Variants in ZFR2 observed in about 807,000 individuals in gnomAD.
ZFR2 encodes the protein zinc finger RNA-binding protein 2.
In ZFR2, 104 loss-of-function variants were observed where a neutral mutation model predicts 105.7. The observed-to-expected ratio is 0.98, with a 90% CI of 0.84 to 1.16. The LOEUF is 1.16. ZFR2 is among the 50% of genes most tolerant of loss of function. The probability of loss-of-function intolerance (pLI) is 0.00; values close to 1 mark genes in which losing one functional copy is unlikely to be tolerated. For missense variants in ZFR2, 1,425 were observed against 1,355.5 expected (o/e 1.05, Z -0.80); for synonymous variants, 634 against 597.7 (o/e 1.06, Z -0.89).
chr19:3,866,732 T>C (rs1035137320), intron 1 of ZFR2, among the ~76,000 whole-genome samples: 5 of 152,112 alleles, frequency 3.3e-5, no homozygotes, highest in Admixed American at 1.3e-4. Flanking sequence ...GTGGAGTGTG[T>C]CCAGAAGTTT....
chr19:3,845,238 T>C (rs1408898106), intron 1 of ZFR2, among the ~76,000 whole-genome samples: 1 of 152,178 alleles, frequency 6.6e-6, no homozygotes, highest in Non-Finnish European at 1.5e-5. Context: ...AACTTAATTC[T>C]CTCTTCAAAG....
chr19:3,825,119 C>T, intron 7 of ZFR2, 111 bp downstream of exon 7: 2 of 1,293,292 alleles, frequency 1.5e-6, no homozygotes, highest in Non-Finnish European at 2.0e-6. Context: ...CCCTCACCAC[C>T]CCCCGGGAAG....
intron 1 of ZFR2, chr19:3,852,700 A>G (rs2038254279): frequency 7.6e-6 from 5 of 658,554 alleles, no homozygotes; most frequent in Non-Finnish European, 1.4e-5. Context: ...AATCTGCCAC[A>G]TTGTGGTTTC....
chr19:3,860,591 G>A (rs950435427), intron 1 of ZFR2, among the ~76,000 whole-genome samples: 1 of 152,186 alleles, frequency 6.6e-6, no homozygotes, highest in Non-Finnish European at 1.5e-5. Flanking sequence ...ATGGTCCCAC[G>A]TGGAGCTGGC....
At chr19:3,855,548 TC>T in intron 1 of ZFR2, 1 of 879,592 alleles carries the variant, frequency 1.1e-6, no homozygotes, top group Non-Finnish European at 1.5e-6. Flanking sequence ...AGTCCCGTCC[TC>T]CAGGAGGGTG....
chr19:3,863,019 C>T (rs62133047), intron 1 of ZFR2, among the ~76,000 whole-genome samples: 1 of 152,112 alleles, frequency 6.6e-6, no homozygotes, highest in South Asian at 2.1e-4. Flanking sequence ...CAGGTATGCG[C>T]CCTGGCCCCC....
At chr19:3,806,907 G>T (rs1483526821) in intron 18 of ZFR2, among the ~76,000 whole-genome samples, 1 of 152,244 alleles carries the variant, frequency 6.6e-6, no homozygotes, top group Non-Finnish European at 1.5e-5. Flanking sequence ...TGGTGTGGGG[G>T]AGGACGGTCC....
At chr19:3,833,247 TC>T (rs1568425660) in intron 3 of ZFR2, among the ~76,000 whole-genome samples, 11 of 101,534 alleles carry the variant, frequency 1.1e-4, no homozygotes, top group South Asian at 6.1e-4. Context: ...AGACTCCGTC[TC>T]AAAAAAAAAA....
intron 1 of ZFR2, among the ~76,000 whole-genome samples, chr19:3,837,947 G>A (rs971831937): frequency 6.6e-6 from 1 of 151,618 alleles, no homozygotes; most frequent in Non-Finnish European, 1.5e-5. Flanking sequence ...GACACTTGAT[G>A]AACACTATGA....
intron 1 of ZFR2, chr19:3,855,304 TG>T: frequency 9.1e-7 from 1 of 1,099,172 alleles, no homozygotes; most frequent in Non-Finnish European, 1.2e-6. Context: ...CTGGCTAAGC[TG>T]AAAAAAAAAG....
chr19:3,828,655 C>T (rs60869536), intron 5 of ZFR2, among the ~76,000 whole-genome samples: 2,951 of 152,270 alleles, frequency 0.019, 96 homozygotes, highest in African/African-American at 0.068. Flanking sequence ...TCTGGGGAAG[C>T]GACAGCCAAG....
chr19:3,862,294 T>C (rs2038382376), intron 1 of ZFR2, among the ~76,000 whole-genome samples: 2 of 152,178 alleles, frequency 1.3e-5, no homozygotes, highest in African/African-American at 4.8e-5. Context: ...ATGTATGAAC[T>C]AACTTTTGGT....
chr19:3,813,784 G>C lies in ZFR2; in HGVS notation c.2242+36C>G. ...TGGGGAGCGCCCTGGGGAAGCGTGAGGGGGACAGTGGTTGGAAGGAAGGGC... is the reference window on the plus strand; with the variant it reads ...TGGGGAGCGCCCTGGGGAAGCGTGACGGGGACAGTGGTTGGAAGGAAGGGC... On this transcript the variant is annotated intron_variant, in intron 14 of 18. Transcript: ENST00000262961. The surrounding 1 kb of genome is among the most constrained non-coding windows in gnomAD (Gnocchi z 4.4). 1 of 1,610,466 alleles carries C rather than the reference G, an allele frequency of 6.2e-7. No individual in the cohort carries two copies. Among genetic ancestry groups the C allele is most frequent in the Non-Finnish European group, 8.5e-7 (1 of 1,178,028 alleles).
chr19:3,823,392 G>A lies in ZFR2; in HGVS notation c.1225C>T (p.Pro409Ser), dbSNP rs2037916699. The change falls in exon 8 of 19, where the codon CCA becomes TCA. Residue 409 changes from proline (P) to serine (S), a missense_variant. By Grantham distance (74) the Pro-to-Ser change is moderately conservative. Transcript: ENST00000262961. This position sits in a 1 kb window ranked among gnomAD's most constrained non-coding sequence, Gnocchi z 5.4. ...SKALCEGPPEPQAAGCRPQWG... is the reference protein window; with the variant it reads ...SKALCEGPPESQAAGCRPQWG... ...TGGGGTCTGCAGCCTGCTGCCTGTGGCTCAGGAGGCCCTGAGGGGAAAAAC... is the reference window on the plus strand; with the variant it reads ...TGGGGTCTGCAGCCTGCTGCCTGTGACTCAGGAGGCCCTGAGGGGAAAAAC... The A allele has an allele frequency of 2.4e-5, 38 of 1,609,300 alleles. No homozygotes were observed. The highest frequency in any genetic ancestry group is 2.9e-5 in the Non-Finnish European group (34 of 1,177,626).
chr19:3,820,332 T>C (rs889342759), intron 10 of ZFR2, 42 bp from the exon 11 acceptor site: 2 of 1,511,174 alleles, frequency 1.3e-6, no homozygotes, highest in Middle Eastern at 1.7e-4. Flanking sequence ...AGGCCAGCAG[T>C]GGCCCTAAGC....
Position 3,827,540 on chromosome 19 carries a change from G to A in ZFR2, c.966C>T (p.Asp322=), listed in dbSNP as rs541181177. The A allele has an allele frequency of 1.3e-6, 2 of 1,561,628 alleles. No homozygotes were observed. The highest frequency in any genetic ancestry group is 1.4e-5 in the African/African-American group (1 of 73,562). The change falls in exon 6 of 19, where the codon GAC becomes GAT. Residue 322 remains aspartate (D), a synonymous_variant. Transcript: ENST00000262961. ...CCCCGGTGCAGGACACGGCGCACAGGTCGCAATGCAGCTGCGCCTGCACCC... is the reference window on the plus strand; with the variant it reads ...CCCCGGTGCAGGACACGGCGCACAGATCGCAATGCAGCTGCGCCTGCACCC... The part of the protein sequence containing the change: ...PRGVQAQLHC[D]LCAVSCTGAD...
chr19:3,833,887 G>C (rs2038047590), intron 2 of ZFR2, 109 bp from the exon 3 acceptor site: 2 of 856,042 alleles, frequency 2.3e-6, no homozygotes, highest in African/African-American at 3.3e-5. Flanking sequence ...CCTTCCTGCA[G>C]CGCTGGCTCC....
At chr19:3,810,307 C>T (rs1599218772) in intron 16 of ZFR2, among the ~76,000 whole-genome samples, 1 of 152,192 alleles carries the variant, frequency 6.6e-6, no homozygotes, top group East Asian at 1.9e-4. Context: ...GATTCTGTTT[C>T]TTCTCTTCCC....
chr19:3,812,126 T>C (rs187683770), intron 14 of ZFR2, among the ~76,000 whole-genome samples: 3 of 152,222 alleles, frequency 2.0e-5, no homozygotes, highest in East Asian at 1.9e-4. Flanking sequence ...ATATTTTTAG[T>C]AGAGACAGCG....
Sources: allele counts gnomAD v4.1 joint callset (sites outside exome capture counted in the v4.1 genomes callset), GRCh38; gene constraint gnomAD v4.1.1; non-coding constraint Gnocchi (gnomAD v3.1); transcripts MANE v1.5; gene names NCBI Gene and HGNC (gene_info 2026-07-23, HGNC 2026-07-21).